The following SLC35H1 variants were observed in gnomAD, a reference collection of about 807,000 sequenced individuals.
SLC35H1 encodes ovarian cancer-overexpressed gene 1 protein.
At chr20:46,350,502 C>T in the SLC35H1 span, 1 of 1,609,154 alleles carries the variant, frequency 6.2e-7, no homozygotes, top group Admixed American at 1.7e-5. Flanking sequence ...CCAGCCCCTT[C>T]AAGGCCTTGG....
At chr20:46,362,852 C>T in the SLC35H1 span, among the ~76,000 whole-genome samples, 2 of 152,188 alleles carry the variant, frequency 1.3e-5, no homozygotes, top group African/African-American at 2.4e-5. Flanking sequence ...CCGCAAACTC[C>T]GCCTCACGGG....
At chr20:46,354,889 T>C in the SLC35H1 span, 1 of 1,604,264 alleles carries the variant, frequency 6.2e-7, no homozygotes, top group Non-Finnish European at 8.5e-7. Flanking sequence ...TACCTTCAAA[T>C]ACAGCAAAGA....
chr20:46,354,320 C>G, the SLC35H1 span, among the ~76,000 whole-genome samples: 1 of 152,164 alleles, frequency 6.6e-6, no homozygotes, highest in Non-Finnish European at 1.5e-5. Context: ...TGCCTTGCTC[C>G]CTGCAGCCTG....
At chr20:46,351,788 C>G in the SLC35H1 span, among the ~76,000 whole-genome samples, 1 of 152,238 alleles carries the variant, frequency 6.6e-6, no homozygotes, top group Non-Finnish European at 1.5e-5. Context: ...TTTGAGGCCC[C>G]TGCTGTGCCC....
the SLC35H1 span, chr20:46,350,316 G>A: frequency 2.0e-6 from 3 of 1,502,386 alleles, no homozygotes; most frequent in Middle Eastern, 1.9e-4. Context: ...ACCATGATGA[G>A]CCCTGGCGGC....
At chr20:46,358,750 G>A in the SLC35H1 span, 1 of 1,537,224 alleles carries the variant, frequency 6.5e-7, no homozygotes, top group South Asian at 1.2e-5. Flanking sequence ...AGCGCTCACA[G>A]GTCCCAAGGT....
At chr20:46,356,186 A>G in the SLC35H1 span, among the ~76,000 whole-genome samples, 1 of 152,306 alleles carries the variant, frequency 6.6e-6, no homozygotes, top group South Asian at 2.1e-4. Flanking sequence ...TGCTCTCTGA[A>G]GCAAAACATC....
the SLC35H1 span, chr20:46,363,282 C>T: frequency 6.6e-6 from 1 of 152,270 alleles, no homozygotes; most frequent in East Asian, 1.9e-4. Flanking sequence ...TAAATCTTAC[C>T]CTACATAATC....
chr20:46,355,040 C>T, the SLC35H1 span: 1 of 1,613,836 alleles, frequency 6.2e-7, no homozygotes, highest in East Asian at 2.2e-5. The surrounding 1 kb of genome is among the most constrained non-coding windows in gnomAD (Gnocchi z 4.8). Context: ...TGCCGGGGTT[C>T]CTCTCTCTGG....
At chr20:46,355,657 G>C in the SLC35H1 span, 1 of 1,187,232 alleles carries the variant, frequency 8.4e-7, no homozygotes, top group African/African-American at 1.5e-5. The surrounding 1 kb of genome is among the most constrained non-coding windows in gnomAD (Gnocchi z 4.8). Context: ...CCCATGTCTA[G>C]GTCCCTTCTC....
chr20:46,352,265 T>C, the SLC35H1 span: 3 of 1,597,216 alleles, frequency 1.9e-6, no homozygotes, highest in African/African-American at 1.3e-5. Context: ...GGCCGGGTCC[T>C]GGGCTGCCTT....
chr20:46,357,759 G>T, the SLC35H1 span: 5 of 1,613,982 alleles, frequency 3.1e-6, no homozygotes, highest in African/African-American at 6.7e-5. Flanking sequence ...TCATGAAGAG[G>T]GGGAAATGGA....
At chr20:46,352,530 A>C in the SLC35H1 span, 16 of 312,958 alleles carry the variant, frequency 5.1e-5, no homozygotes, top group Admixed American at 1.4e-4. Flanking sequence ...TGGGGATCCT[A>C]GCAGGATGAT....
At chr20:46,362,744 G>C in the SLC35H1 span, among the ~76,000 whole-genome samples, 1 of 152,126 alleles carries the variant, frequency 6.6e-6, no homozygotes, top group Admixed American at 6.5e-5. Flanking sequence ...CCTCCTCCCT[G>C]CTGCCCCTTC....
chr20:46,348,185 G>C, the SLC35H1 span: 2 of 152,368 alleles, frequency 1.3e-5, no homozygotes, highest in South Asian at 4.1e-4. Context: ...TGGGGGAGGA[G>C]AGGGAGCCCT....
the SLC35H1 span, among the ~76,000 whole-genome samples, chr20:46,354,493 A>C: frequency 2.0e-5 from 3 of 152,166 alleles, no homozygotes; most frequent in African/African-American, 4.8e-5. Context: ...CTGGCTTCAA[A>C]TTCTGGCTCA....
At chr20:46,351,196 A>C in the SLC35H1 span, among the ~76,000 whole-genome samples, 1 of 152,252 alleles carries the variant, frequency 6.6e-6, no homozygotes, top group Admixed American at 6.5e-5. Context: ...CACAAGGATA[A>C]AGGACGGCTG....
At chr20:46,353,392 G>A in the SLC35H1 span, among the ~76,000 whole-genome samples, 21 of 152,282 alleles carry the variant, frequency 1.4e-4, no homozygotes, top group Non-Finnish European at 2.2e-4. Context: ...AATGACTCCC[G>A]GCGTCCCTCC....
At chr20:46,354,844 T>G in the SLC35H1 span, 5 of 1,530,192 alleles carry the variant, frequency 3.3e-6, no homozygotes, top group Non-Finnish European at 3.6e-6. Flanking sequence ...TGTGGTCTGC[T>G]GCACTGAGGT....
Sources: gnomAD v4.1 joint callset for allele counts (sites outside exome capture counted in the v4.1 genomes callset) on GRCh38, gnomAD v4.1.1 for gene constraint, Gnocchi (gnomAD v3.1) non-coding constraint, MANE v1.5 for transcripts, NCBI Gene and HGNC (gene_info 2026-07-23, HGNC 2026-07-21) for gene names.